Variants in PCDH11X observed in about 807,000 individuals in gnomAD.
PCDH11X encodes protocadherin 11 X-linked.
In PCDH11X, 18 loss-of-function variants were observed where a neutral mutation model predicts 53.3. The observed-to-expected ratio is 0.34, with a 90% CI of 0.23 to 0.50. The LOEUF is 0.50. PCDH11X is among the 20% of genes least tolerant of loss of function. The probability of loss-of-function intolerance (pLI) is 0.98; values close to 1 mark genes in which losing one functional copy is unlikely to be tolerated. For synonymous variants in PCDH11X, 279 were observed against 393.3 expected, an observed-to-expected ratio of 0.71 and a Z score of 3.44; for missense variants, 570 against 1,032.4, an observed-to-expected ratio of 0.55 and a Z score of 6.14.
In PCDH11X at chrX:92,346,472, C is replaced by T. The variant is rs749236328; in HGVS notation, c.3145-41263C>T. The stretch of plus-strand genomic sequence containing the variant: ...TATTTCTGCTTCCAGTCATCCTCTT[C>T]CCATAATATAAATAAAACCTGCACA... On this transcript the variant is annotated intron_variant, in intron 8 of 10. Transcript: ENST00000682573. 1.4e-4 allele frequency among the ~76,000 whole-genome samples: 15 copies of T among 110,968 alleles called. No individual in the cohort carries two copies. In the South Asian group the frequency reaches 5.3e-3, roughly 39 times the overall value.
intron 1 of PCDH11X, among the ~76,000 whole-genome samples, chrX:91,797,302 T>C (rs1935768582): frequency 1.8e-5 from 2 of 108,144 alleles, no homozygotes; most frequent in South Asian, 8.2e-4. Context: ...ATTCTACTTT[T>C]GTTGTAGATT....
intron 5 of PCDH11X, among the ~76,000 whole-genome samples, chrX:91,860,141 T>C (rs760678953): frequency 1.8e-5 from 2 of 110,399 alleles, no homozygotes; most frequent in African/African-American, 6.6e-5. Flanking sequence ...TTTGATTTCC[T>C]TGAGCAGTCG....
chrX:92,346,061 CT>C (rs2148520387), intron 8 of PCDH11X, among the ~76,000 whole-genome samples: 1 of 110,472 alleles, frequency 9.1e-6, no homozygotes, highest in East Asian at 2.8e-4. Flanking sequence ...TTTTTCTTTA[CT>C]TAAGTGAAGC....
chrX:92,103,657 G>T (rs1365617154), intron 6 of PCDH11X, among the ~76,000 whole-genome samples: 1 of 112,001 alleles, frequency 8.9e-6, no homozygotes, highest in Admixed American at 9.4e-5. Flanking sequence ...CCTGGGCTGC[G>T]GGCGTTCCTT....
At chrX:91,800,715 T>C (rs1935904444) in intron 1 of PCDH11X, among the ~76,000 whole-genome samples, 2 of 111,409 alleles carry the variant, frequency 1.8e-5, no homozygotes, top group Non-Finnish European at 3.8e-5. Context: ...TTTCTACTGC[T>C]ATCATTGACT....
chrX:91,783,643 AG>A (rs966924905), intron 1 of PCDH11X, among the ~76,000 whole-genome samples: 1 of 112,021 alleles, frequency 8.9e-6, no homozygotes, highest in Non-Finnish European at 1.9e-5. Flanking sequence ...TGGTGGAGCA[AG>A]GGGAGGCACA....
intron 6 of PCDH11X, among the ~76,000 whole-genome samples, chrX:92,015,203 T>C (rs907397201): frequency 4.5e-5 from 5 of 111,866 alleles, no homozygotes; most frequent in African/African-American, 1.6e-4. Context: ...GACTTTAATC[T>C]TTATTTACAG....
chrX:92,108,812 G>T (rs2064440064), intron 6 of PCDH11X, among the ~76,000 whole-genome samples: 1 of 111,621 alleles, frequency 9.0e-6, no homozygotes, highest in Non-Finnish European at 1.9e-5. Flanking sequence ...GATAACTATG[G>T]TCAGGATTAC....
intron 6 of PCDH11X, among the ~76,000 whole-genome samples, chrX:91,892,390 G>A (rs1427939910): frequency 1.8e-5 from 2 of 108,398 alleles, no homozygotes; most frequent in Non-Finnish European, 3.8e-5. Flanking sequence ...TGACAGAAAA[G>A]CTTCTCTTTC....
At chrX:92,600,429 C>T (rs1006917919) in intron 10 of PCDH11X, among the ~76,000 whole-genome samples, 1 of 111,109 alleles carries the variant, frequency 9.0e-6, no homozygotes, top group African/African-American at 3.3e-5. Flanking sequence ...GGCCAATGTA[C>T]ACCTCAAGCC....
chrX:91,973,204 C>T (rs1456535768), intron 6 of PCDH11X, among the ~76,000 whole-genome samples: 7 of 99,155 alleles, frequency 7.1e-5, no homozygotes, highest in Non-Finnish European at 1.2e-4. Context: ...AACCAAACAC[C>T]GCATATTCTC....
chrX:92,363,865 T>C (rs2148542709), intron 8 of PCDH11X, among the ~76,000 whole-genome samples: 1 of 111,396 alleles, frequency 9.0e-6, no homozygotes, highest in Admixed American at 9.5e-5. Flanking sequence ...TTTAAAATCA[T>C]AAAAGAGCAT....
At chrX:92,278,983 G>A (rs2068182751) in intron 8 of PCDH11X, among the ~76,000 whole-genome samples, 1 of 109,550 alleles carries the variant, frequency 9.1e-6, no homozygotes, top group African/African-American at 3.3e-5. Context: ...GGCTAATTTT[G>A]TATTTTTAGT....
intron 6 of PCDH11X, among the ~76,000 whole-genome samples, chrX:92,000,143 C>G (rs1482937651): frequency 9.0e-6 from 1 of 111,067 alleles, no homozygotes; most frequent in Non-Finnish European, 1.9e-5. Flanking sequence ...AAGTTATACT[C>G]CTTAATTAAA....
At chrX:92,345,901 T>C (rs1214644038) in intron 8 of PCDH11X, among the ~76,000 whole-genome samples, 13 of 109,912 alleles carry the variant, frequency 1.2e-4, no homozygotes, top group Non-Finnish European at 2.5e-4. Flanking sequence ...TTTTTTTTTT[T>C]TCTGATAAAA....
chrX:91,981,970 G>T (rs1275996659), intron 6 of PCDH11X, among the ~76,000 whole-genome samples: 1 of 107,654 alleles, frequency 9.3e-6, no homozygotes, highest in Non-Finnish European at 1.9e-5. Context: ...TCTGAGTGTT[G>T]TCACCATGTG....
intron 6 of PCDH11X, among the ~76,000 whole-genome samples, chrX:92,075,084 C>G (rs2063754690): frequency 9.1e-6 from 1 of 110,021 alleles, no homozygotes; most frequent in South Asian, 3.9e-4. Context: ...CATGGGGATA[C>G]TTTTATTCTT....
chrX:91,854,266 T>C lies in PCDH11X; in HGVS notation c.540+18222T>C, dbSNP rs752878655. 2.8e-3 allele frequency among the ~76,000 whole-genome samples: 319 copies of C among 112,008 alleles called. 1 individual carries two copies. Among genetic ancestry groups the C allele is most frequent in the African/African-American group, 9.8e-3 (303 of 30,856 alleles). ...ATGTGAGAACGTGTGAAGTTTCTCT[T>C]TCTGTGCCTGGCCTACTTCAATTAA... On this transcript the variant is annotated intron_variant, in intron 5 of 10. Coordinates refer to ENST00000682573, the MANE Select transcript of PCDH11X (RefSeq NM_032968.5).
chrX:91,839,469 A>C (rs1466951293), intron 5 of PCDH11X, among the ~76,000 whole-genome samples: 1 of 107,324 alleles, frequency 9.3e-6, no homozygotes, highest in Non-Finnish European at 1.9e-5. Flanking sequence ...TACAAAAAAA[A>C]AAAAAAAAAT....
Sources: allele counts gnomAD v4.1 joint callset (sites outside exome capture counted in the v4.1 genomes callset), GRCh38; gene constraint gnomAD v4.1.1; transcripts MANE v1.5; gene names NCBI Gene and HGNC (gene_info 2026-07-23, HGNC 2026-07-21).